The following ZNF385D variants were observed in gnomAD, a reference collection of about 807,000 sequenced individuals.
The protein encoded by ZNF385D is zinc finger protein 659.
ZNF385D carries 15 observed loss-of-function variants against 35.8 expected under a neutral mutation model. The ratio of observed to expected loss-of-function variants is 0.42; its 90% CI spans 0.28 to 0.64. The LOEUF is 0.64. Among genes scored for constraint, ZNF385D ranks in the 30% least tolerant of loss-of-function variants. The probability of loss-of-function intolerance (pLI) is 0.23; values close to 1 mark genes in which losing one functional copy is unlikely to be tolerated. For synonymous variants in ZNF385D, 212 were observed against 186.8 expected, an observed-to-expected ratio of 1.13 and a Z score of -1.10; for missense variants, 474 against 494.6, an observed-to-expected ratio of 0.96 and a Z score of 0.39.
intron 3 of ZNF385D, among the ~76,000 whole-genome samples, chr3:21,891,878 T>C (rs1404214482): frequency 3.3e-5 from 5 of 152,170 alleles, no homozygotes; most frequent in Non-Finnish European, 5.9e-5. Flanking sequence ...TTTTCTGTCA[T>C]TGATGTGATT....
At chr3:21,477,096 T>A (rs1704298920) in intron 4 of ZNF385D, among the ~76,000 whole-genome samples, 1 of 152,184 alleles carries the variant, frequency 6.6e-6, no homozygotes, top group Non-Finnish European at 1.5e-5. Flanking sequence ...GCCACTCCAG[T>A]GGACCCCTTC....
chr3:22,348,137 ATAGTGATTAACTG>A (rs1431025384), intron 2 of ZNF385D, among the ~76,000 whole-genome samples: 1 of 152,140 alleles, frequency 6.6e-6, no homozygotes, highest in African/African-American at 2.4e-5. Flanking sequence ...AAACAGGCAA[ATAGTGATTAACTG>A]GCTTTTTCTT....
At chr3:22,036,714 T>G (rs961367321) in intron 3 of ZNF385D, among the ~76,000 whole-genome samples, 1 of 150,314 alleles carries the variant, frequency 6.7e-6, no homozygotes, top group Admixed American at 6.6e-5. Context: ...ACTAGGTTTT[T>G]TTTTTTTTTT....
At chr3:22,250,385 T>A (rs1700002404) in intron 2 of ZNF385D, among the ~76,000 whole-genome samples, 1 of 152,096 alleles carries the variant, frequency 6.6e-6, no homozygotes, top group Non-Finnish European at 1.5e-5. Context: ...AAAGGTGTAT[T>A]TCTGCTTATC....
rs1312965684 is a variant in ZNF385D, at chr3:21,687,303, G to GA, written c.23-22276dup. 8.5e-5 allele frequency among the ~76,000 whole-genome samples: 13 copies of GA among 152,296 alleles called. No homozygotes were observed. In the South Asian group the frequency reaches 1.7e-3, roughly 19 times the overall value. ...AGTGCTCAAACCCAAAATATATTATGAAAAATAACATTGTTATCGTGTAAG... is the reference window on the plus strand; with the variant it reads ...AGTGCTCAAACCCAAAATATATTATGAAAAAATAACATTGTTATCGTGTAAG... On this transcript the variant is annotated intron_variant, in intron 1 of 7. Transcript: ENST00000281523.
Position 21,968,263 on chromosome 3 carries a change from T to G in ZNF385D, c.325+200554A>C, listed in dbSNP as rs377178680. Among the ~76,000 whole-genome samples the G allele has an allele frequency of 2.0e-5, 3 of 152,112 alleles. No homozygotes were observed. The East Asian group carries it at 5.8e-4, about 29-fold the overall frequency. On this transcript the variant is annotated intron_variant, in intron 3 of 5. Coordinates refer to the ZNF385D transcript ENST00000494108. ...ATTAACCATCTCAGCAGTCTGAATA[T>G]GAGTTTTGGCAAGCCCTCCACCATG...
At position 21,564,683 on chromosome 3, in the gene ZNF385D, A is replaced by G; in HGVS notation, c.167T>C (p.Met56Thr). Residue 56 changes from methionine to threonine, a missense_variant and splice_region_variant, in exon 3 of 8, where the codon ATG becomes ACG. Transcript: ENST00000281523. ...AVNLFPNFNAMDPIQKAVINH... is the reference protein window; with the variant it reads ...AVNLFPNFNATDPIQKAVINH... ...TATTACAGCTTTCTGAATCGGGTCC[A>G]TCTGTAATGAGAAAAAAGAAATACA... The G allele has an allele frequency of 6.5e-7, 1 of 1,539,600 alleles. No homozygotes were observed. The highest frequency in any genetic ancestry group is 8.8e-7 in the Non-Finnish European group (1 of 1,142,082).
At chr3:21,774,919 G>A (rs1259042354) in intron 3 of ZNF385D, among the ~76,000 whole-genome samples, 1 of 151,924 alleles carries the variant, frequency 6.6e-6, no homozygotes, top group African/African-American at 2.4e-5. Context: ...GATAGGTCCA[G>A]GTAATAGTAT....
At chr3:22,237,052 G>A (rs780309645) in intron 2 of ZNF385D, among the ~76,000 whole-genome samples, 5 of 152,152 alleles carry the variant, frequency 3.3e-5, no homozygotes, top group African/African-American at 4.8e-5. Context: ...ACCTAGAACT[G>A]CTGAGTCATA....
At chr3:21,842,575 A>G (rs1651551485) in intron 3 of ZNF385D, among the ~76,000 whole-genome samples, 1 of 152,020 alleles carries the variant, frequency 6.6e-6, no homozygotes. Flanking sequence ...TAACCCTGTA[A>G]TTAGATCTTT....
intron 3 of ZNF385D, among the ~76,000 whole-genome samples, chr3:21,792,575 T>G (rs1259395125): frequency 6.6e-6 from 1 of 152,134 alleles, no homozygotes; most frequent in African/African-American, 2.4e-5. Flanking sequence ...CCTTGGTCTA[T>G]AGGATCTTTG....
chr3:22,362,249 ACT>A (rs1047418466), intron 2 of ZNF385D, among the ~76,000 whole-genome samples: 16 of 151,796 alleles, frequency 1.1e-4, no homozygotes, highest in Non-Finnish European at 1.8e-4. Flanking sequence ...AAAAGAGAAA[ACT>A]CTAAGTATCA....
intron 2 of ZNF385D, among the ~76,000 whole-genome samples, chr3:22,344,449 A>G (rs1360686919): frequency 6.6e-6 from 1 of 152,038 alleles, no homozygotes; most frequent in African/African-American, 2.4e-5. Flanking sequence ...GAGTGCAGTG[A>G]TGTGATCACA....
At chr3:22,207,703 C>A (rs775015853) in intron 2 of ZNF385D, among the ~76,000 whole-genome samples, 1 of 151,570 alleles carries the variant, frequency 6.6e-6, no homozygotes, top group Non-Finnish European at 1.5e-5. Context: ...TGATAAAGGA[C>A]AAATAACCAG....
At chr3:21,629,266 G>A (rs1479455913) in intron 2 of ZNF385D, among the ~76,000 whole-genome samples, 1 of 152,040 alleles carries the variant, frequency 6.6e-6, no homozygotes, top group African/African-American at 2.4e-5. Flanking sequence ...TATTCTGTAT[G>A]AGGCCTCTTC....
At chr3:21,815,637 T>C (rs1004028677) in intron 3 of ZNF385D, among the ~76,000 whole-genome samples, 2 of 152,128 alleles carry the variant, frequency 1.3e-5, no homozygotes, top group African/African-American at 4.8e-5. Flanking sequence ...CAGGAAGAAG[T>C]TGAATCCCTG....
intron 2 of ZNF385D, among the ~76,000 whole-genome samples, chr3:21,581,998 C>CTCTCTTCCACCAATAAATAATTT (rs2063682323): frequency 6.6e-6 from 1 of 152,132 alleles, no homozygotes; most frequent in African/African-American, 2.4e-5. Context: ...TACCAATGTT[C>CTCTCTTCCACCAATAAATAATTT]TGTCTTCCAC....
At chr3:21,978,410 T>C (rs191837847) in intron 3 of ZNF385D, 1 of 152,364 alleles carries the variant, frequency 6.6e-6, no homozygotes, top group Non-Finnish European at 1.5e-5. Flanking sequence ...CTTTGCTTTT[T>C]AATTTATTTA....
intron 2 of ZNF385D, among the ~76,000 whole-genome samples, chr3:22,286,312 A>G (rs562786137): frequency 5.8e-4 from 89 of 152,216 alleles, no homozygotes; most frequent in African/African-American, 2.0e-3. Flanking sequence ...AGTCTATGTA[A>G]CAGTCTATTA....
Sources: allele counts gnomAD v4.1 joint callset (sites outside exome capture counted in the v4.1 genomes callset), GRCh38; gene constraint gnomAD v4.1.1; transcripts MANE v1.5; gene names NCBI Gene and HGNC (gene_info 2026-07-23, HGNC 2026-07-21).